MLKL: variants seen among roughly 807,000 people sequenced by gnomAD.
The protein encoded by MLKL is mixed lineage kinase domain like pseudokinase.
A neutral mutation model predicts 56.5 loss-of-function variants in MLKL; 55 were observed. That is an observed-to-expected ratio of 0.97 (90% CI 0.78 to 1.22). The LOEUF is 1.22. Ranked by LOEUF, MLKL falls within the 50% of genes most tolerant of loss-of-function variation. The pLI is 0.00. For synonymous variants in MLKL, 251 were observed against 208.3 expected (o/e 1.20, Z -1.76); for missense variants, 694 against 573.9 (o/e 1.21, Z -2.14).
intron 1 of MLKL, among the ~76,000 whole-genome samples, chr16:74,699,411 T>C (rs1170561774): frequency 7.2e-5 from 11 of 152,156 alleles, no homozygotes. Flanking sequence ...TAAAATATAT[T>C]AAAAACTGCA....
intron 5 of MLKL, 32 bp downstream of exon 5, chr16:74,685,453 CA>C (rs1477055189): frequency 6.4e-6 from 10 of 1,551,394 alleles, no homozygotes; most frequent in Non-Finnish European, 8.9e-6. Context: ...CTAGGCCATC[CA>C]AAGCTTGACC....
chr16:74,687,149 T>C (rs1960380814), intron 4 of MLKL, among the ~76,000 whole-genome samples: 2 of 152,096 alleles, frequency 1.3e-5, no homozygotes, highest in Non-Finnish European at 1.5e-5. Context: ...CTAATTTTTG[T>C]ATTTATAGTA....
chr16:74,694,405 C>T (rs536648147), intron 2 of MLKL, among the ~76,000 whole-genome samples: 2 of 152,144 alleles, frequency 1.3e-5, no homozygotes, highest in Non-Finnish European at 2.9e-5. Flanking sequence ...ACGCCGGCCC[C>T]CTCCATCCTT....
At chr16:74,682,603 T>A in intron 6 of MLKL, 48 bp downstream of exon 6, 1 of 1,606,392 alleles carries the variant, frequency 6.2e-7, no homozygotes, top group Non-Finnish European at 8.5e-7. Flanking sequence ...ATCAGGAGTG[T>A]GGACAGACCC....
chr16:74,696,196 C>T lies in MLKL; in HGVS notation c.-2-437G>A, dbSNP rs77445688. 6.0e-3 allele frequency among the ~76,000 whole-genome samples: 910 copies of T among 152,204 alleles called. 4 individuals are homozygous for T. Among genetic ancestry groups the T allele is most frequent in the Non-Finnish European group, 0.01 (708 of 68,014 alleles). On this transcript the variant is annotated intron_variant, in intron 1 of 10. Transcript: ENST00000308807. ...GGATAATCACTTGGAGGAGAGCTGCCCACAGACCTGGAACGTCTGTCATGG... is the reference window on the plus strand; with the variant it reads ...GGATAATCACTTGGAGGAGAGCTGCTCACAGACCTGGAACGTCTGTCATGG...
chr16:74,699,608 AGT>A (rs1961257187), intron 1 of MLKL, among the ~76,000 whole-genome samples: 1 of 152,152 alleles, frequency 6.6e-6, no homozygotes, highest in Non-Finnish European at 1.5e-5. Flanking sequence ...TGTTCACTGC[AGT>A]GCTATTTATA....
chr16:74,673,668 T>G (rs947209706), intron 10 of MLKL, among the ~76,000 whole-genome samples: 1 of 150,664 alleles, frequency 6.6e-6, no homozygotes, highest in Non-Finnish European at 1.5e-5. Flanking sequence ...ATCGAGGAAA[T>G]AATCCCAAGG....
chr16:74,675,714 A>G lies in MLKL; in HGVS notation c.1089T>C (p.Thr363=). The change falls in exon 8 of 11, where the codon ACT becomes ACC. Residue 363 remains threonine (T), a synonymous_variant. Transcript: ENST00000308807. ...TGACTCTGTCTGTCTTTTCTCTCGT[A>G]GTTCCCAAACTCATGGAAGTCTGTG... ...RKTQTSMSLG[T]TREKTDRVKS... 6.2e-7 allele frequency: 1 copy of G among 1,614,158 alleles called. No homozygotes were observed. The highest frequency in any genetic ancestry group is 8.5e-7 in the Non-Finnish European group (1 of 1,180,032).
rs1174643441 is a variant in MLKL at position 74,695,423 on chromosome 16, A to C, written c.335T>G (p.Leu112Arg). 1 of 1,614,066 alleles carries C rather than the reference A, an allele frequency of 6.2e-7. No individual in the cohort carries two copies. ...TTGCTCAACCTGAAGTAACAGCGAG[A>C]GCTCCTTCCAGACATCACTCAGCTT... is the stretch of plus-strand genomic sequence containing the variant. ...NRKLSDVWKELSLLLQVEQRM... is the reference protein window; with the variant it reads ...NRKLSDVWKERSLLLQVEQRM... The change falls in exon 2 of 11, where the codon CTC becomes CGC. Residue 112 changes from leucine (L) to arginine (R), a missense_variant. Coordinates refer to ENST00000308807, the MANE Select transcript of MLKL (RefSeq NM_152649.4).
At chr16:74,698,636 T>C (rs745554601) in intron 1 of MLKL, among the ~76,000 whole-genome samples, 2 of 152,194 alleles carry the variant, frequency 1.3e-5, no homozygotes, top group Non-Finnish European at 2.9e-5. Context: ...AATGTGGCAA[T>C]GTTGTTCAAG....
At chr16:74,681,267 C>G (rs1339279600) in intron 6 of MLKL, among the ~76,000 whole-genome samples, 1 of 152,054 alleles carries the variant, frequency 6.6e-6, no homozygotes, top group Non-Finnish European at 1.5e-5. Context: ...CTCAAGTGAT[C>G]CACCTGCCTT....
intron 1 of MLKL, among the ~76,000 whole-genome samples, chr16:74,696,633 AAAAAT>A (rs1236215820): frequency 2.0e-5 from 3 of 151,906 alleles, no homozygotes; most frequent in South Asian, 4.2e-4. Flanking sequence ...CAAAAATAAA[AAAAAT>A]AAAATAAAAT....
intron 10 of MLKL, among the ~76,000 whole-genome samples, chr16:74,672,948 G>A (rs145774824): frequency 1.3e-5 from 2 of 152,308 alleles, no homozygotes; most frequent in East Asian, 1.9e-4. Context: ...TTAAGTCTGC[G>A]CTTCTGCTCT....
At chr16:74,699,326 C>T (rs528761779) in intron 1 of MLKL, among the ~76,000 whole-genome samples, 1 of 152,026 alleles carries the variant, frequency 6.6e-6, no homozygotes, top group Admixed American at 6.6e-5. Flanking sequence ...TCCTAAAGTT[C>T]ATTTGAAATG....
intron 10 of MLKL, 48 bp from the exon 11 acceptor site, chr16:74,672,586 C>T (rs775772450): frequency 6.4e-7 from 1 of 1,559,018 alleles, no homozygotes; most frequent in South Asian, 1.1e-5. Flanking sequence ...CAGCTGAGAG[C>T]CAAGTTAGAA....
chr16:74,694,225 G>T (rs936608834), intron 2 of MLKL, among the ~76,000 whole-genome samples: 1 of 152,164 alleles, frequency 6.6e-6, no homozygotes, highest in Non-Finnish European at 1.5e-5. Context: ...TTGTGTGATT[G>T]TATCTCAGAT....
Position 74,675,519 on chromosome 16 carries a change from C to G in MLKL, c.1190+94G>C, listed in dbSNP as rs937088892. 8.3e-6 allele frequency: 13 copies of G among 1,570,746 alleles called. No homozygotes were observed. The African/African-American group carries it at 1.8e-4, about 21-fold the overall frequency. ...TTGATTACTACCCAATTTCATTCAA[C>G]AGAGTTGAGTTTAGGTGGTCCTTGG... On this transcript the variant is annotated intron_variant, in intron 8 of 10. Coordinates refer to ENST00000308807, the MANE Select transcript of MLKL (RefSeq NM_152649.4).
At chr16:74,695,937 A>G (rs1961011457) in intron 1 of MLKL, among the ~76,000 whole-genome samples, 178 bp from the exon 2 acceptor site, 2 of 152,184 alleles carry the variant, frequency 1.3e-5, no homozygotes, top group Admixed American at 1.3e-4. Context: ...TTGCACAATA[A>G]TAGAGTTGTA....
intron 1 of MLKL, among the ~76,000 whole-genome samples, chr16:74,698,807 T>C (rs1369618648): frequency 6.6e-6 from 1 of 151,990 alleles, no homozygotes; most frequent in Non-Finnish European, 1.5e-5. Context: ...AATTATACAG[T>C]GGTGGCATGG....
Sources: gnomAD v4.1 joint callset for allele counts (sites outside exome capture counted in the v4.1 genomes callset) on GRCh38, gnomAD v4.1.1 for gene constraint, MANE v1.5 for transcripts, NCBI Gene and HGNC (gene_info 2026-07-23, HGNC 2026-07-21) for gene names.